NEGR1: variants seen among roughly 807,000 people sequenced by gnomAD.
The protein encoded by NEGR1 is neuronal growth regulator 1, also known as IgLON family member 4.
NEGR1 carries 10 observed loss-of-function variants against 40.9 expected under a neutral mutation model. The ratio of observed to expected loss-of-function variants is 0.24; its 90% CI spans 0.15 to 0.42. NEGR1 has a LOEUF of 0.42. Ranked by LOEUF, NEGR1 falls within the 10% of genes least tolerant of loss-of-function variation. The probability of loss-of-function intolerance (pLI) is 1.00; values close to 1 mark genes in which losing one functional copy is unlikely to be tolerated. For missense variants in NEGR1, 352 were observed against 438.9 expected, an observed-to-expected ratio of 0.80 and a Z score of 1.77; for synonymous variants, 185 against 166.8, an observed-to-expected ratio of 1.11 and a Z score of -0.84.
intron 1 of NEGR1, among the ~76,000 whole-genome samples, chr1:72,261,419 A>C (rs746670838): frequency 4.6e-5 from 7 of 152,132 alleles, no homozygotes; most frequent in Non-Finnish European, 8.8e-5. Context: ...ACTGGTTTAA[A>C]GAAATACTTC....
intron 3 of NEGR1, among the ~76,000 whole-genome samples, chr1:71,705,097 G>C (rs1042951306): frequency 3.9e-5 from 6 of 151,966 alleles, no homozygotes; most frequent in African/African-American, 1.4e-4. Flanking sequence ...TGAGATTGAG[G>C]AGAATTATCT....
At chr1:71,694,211 C>A (rs757655584) in intron 4 of NEGR1, among the ~76,000 whole-genome samples, 1 of 151,502 alleles carries the variant, frequency 6.6e-6, no homozygotes, top group Non-Finnish European at 1.5e-5. Flanking sequence ...CACTAGCTCC[C>A]TTTGGCTTAA....
intron 4 of NEGR1, among the ~76,000 whole-genome samples, chr1:71,629,112 A>T (rs2101562177): frequency 6.6e-6 from 1 of 152,136 alleles, no homozygotes; most frequent in East Asian, 1.9e-4. Context: ...TCTAACTGGC[A>T]TGAAATGGTA....
chr1:72,019,898 C>G (rs57607074), intron 1 of NEGR1, among the ~76,000 whole-genome samples: 139 of 152,184 alleles, frequency 9.1e-4, no homozygotes, highest in African/African-American at 3.2e-3. Flanking sequence ...ATTTATGGAG[C>G]GCTTATGTGG....
At chr1:71,722,612 T>G (rs1654545858) in intron 3 of NEGR1, among the ~76,000 whole-genome samples, 1 of 152,150 alleles carries the variant, frequency 6.6e-6, no homozygotes, top group South Asian at 2.1e-4. Context: ...GTGGGTTTTT[T>G]GTTAATTGGT....
chr1:71,874,943 C>T (rs1050482397), intron 2 of NEGR1, among the ~76,000 whole-genome samples: 2 of 152,060 alleles, frequency 1.3e-5, no homozygotes, highest in African/African-American at 2.4e-5. Flanking sequence ...ATCCCAGGCT[C>T]AATCAATCCT....
chr1:72,010,985 A>G (rs1646652292), intron 1 of NEGR1, among the ~76,000 whole-genome samples: 1 of 150,080 alleles, frequency 6.7e-6, no homozygotes, highest in African/African-American at 2.5e-5. Flanking sequence ...ACAATGGGAA[A>G]TTGAAAGGTG....
chr1:71,591,031 A>G (rs914602376), intron 6 of NEGR1, among the ~76,000 whole-genome samples: 1 of 152,168 alleles, frequency 6.6e-6, no homozygotes, highest in African/African-American at 2.4e-5. Flanking sequence ...AAAAATAACT[A>G]TAAGACAAAA....
At chr1:71,723,536 G>C (rs1557627966) in intron 3 of NEGR1, among the ~76,000 whole-genome samples, 1 of 151,786 alleles carries the variant, frequency 6.6e-6, no homozygotes, top group Non-Finnish European at 1.5e-5. Context: ...TATCCAACAG[G>C]GCTCAGGGAG....
chr1:72,132,733 A>G (rs1253838097), intron 1 of NEGR1, among the ~76,000 whole-genome samples: 6 of 152,204 alleles, frequency 3.9e-5, no homozygotes, highest in African/African-American at 1.4e-4. Context: ...GTGATCTTCC[A>G]TATAAGTAAT....
intron 1 of NEGR1, among the ~76,000 whole-genome samples, chr1:72,120,548 T>A (rs1649760250): frequency 6.6e-6 from 1 of 151,968 alleles, no homozygotes; most frequent in African/African-American, 2.4e-5. Context: ...TTAGGGTACA[T>A]GTGCACATTG....
At chr1:71,972,357 TG>T (rs1262876473) in intron 1 of NEGR1, among the ~76,000 whole-genome samples, 1 of 152,088 alleles carries the variant, frequency 6.6e-6, no homozygotes, top group African/African-American at 2.4e-5. Context: ...TATTGTGGGA[TG>T]GGGGGACATA....
chr1:71,711,872 A>C (rs114966375), intron 3 of NEGR1, among the ~76,000 whole-genome samples: 2,572 of 152,342 alleles, frequency 0.017, 80 homozygotes, highest in African/African-American at 0.059. Context: ...CTATAAATAC[A>C]TATTTAAAAT....
intron 1 of NEGR1, among the ~76,000 whole-genome samples, chr1:71,976,641 T>TA (rs898492386): frequency 6.6e-5 from 10 of 152,178 alleles, no homozygotes; most frequent in Admixed American, 3.9e-4. Flanking sequence ...AAAGTTACTT[T>TA]AAAAAAATGC....
At position 72,094,277 on chromosome 1, in the gene NEGR1, T is replaced by C. The variant is rs1234565912; in HGVS notation, c.177-158966A>G. Among the ~76,000 whole-genome samples the C allele has an allele frequency of 2.0e-5, 3 of 152,096 alleles. No individual in the cohort carries two copies. The East Asian group carries it at 5.8e-4, about 29-fold the overall frequency. On this transcript the variant is annotated intron_variant, in intron 1 of 6. Coordinates refer to ENST00000357731, the MANE Select transcript of NEGR1 (RefSeq NM_173808.3). ...ATAAAAGAAAATGAAAGATAACACA[T>C]TTATGTTTGGTGGGGGAGTATGAAG...
intron 1 of NEGR1, among the ~76,000 whole-genome samples, chr1:72,159,398 T>C (rs1651474876): frequency 1.3e-5 from 2 of 152,076 alleles, no homozygotes; most frequent in African/African-American, 4.8e-5. Flanking sequence ...CAGCAGAACA[T>C]AGGTACAACA....
chr1:72,162,292 A>AAAAAAAATAAAAAT (rs149586363), intron 1 of NEGR1, among the ~76,000 whole-genome samples: 29,531 of 144,548 alleles, frequency 0.2, 3,539 homozygotes, highest in South Asian at 0.28. Flanking sequence ...CCTCTACTAA[A>AAAAAAAATAAAAAT]AAAAAATAAA....
chr1:71,821,601 G>GGACC (rs2101777204), intron 2 of NEGR1, among the ~76,000 whole-genome samples: 1 of 152,080 alleles, frequency 6.6e-6, no homozygotes, highest in East Asian at 1.9e-4. Flanking sequence ...CCCACCACTT[G>GGACC]GACCACGTAA....
chr1:72,131,486 A>G (rs1304897765), intron 1 of NEGR1, among the ~76,000 whole-genome samples: 1 of 152,210 alleles, frequency 6.6e-6, no homozygotes, highest in East Asian at 1.9e-4. Context: ...TAATATTCTC[A>G]CAAATATCTT....
Sources: gnomAD v4.1 joint callset for allele counts (sites outside exome capture counted in the v4.1 genomes callset) on GRCh38, gnomAD v4.1.1 for gene constraint, MANE v1.5 for transcripts, NCBI Gene and HGNC (gene_info 2026-07-23, HGNC 2026-07-21) for gene names.